The following ADGRG7 variants were observed in gnomAD, a reference collection of about 807,000 sequenced individuals.
ADGRG7 encodes the protein G-protein coupled receptor 128.
Under a neutral mutation model 88.6 loss-of-function variants are expected in ADGRG7, and 82 were observed. The ratio of observed to expected loss-of-function variants is 0.93; its 90% CI spans 0.77 to 1.11. The LOEUF (loss-of-function observed/expected upper bound fraction) is 1.11. Among genes scored for constraint, ADGRG7 ranks in the 50% most tolerant of loss-of-function variants. The pLI, the probability that ADGRG7 is intolerant of heterozygous loss-of-function variation, is 0.00. For synonymous variants in ADGRG7, 381 were observed against 345.2 expected (o/e 1.10, Z -1.15); for missense variants, 945 against 953.4 (o/e 0.99, Z 0.12).
chr3:100,685,171 T>C (rs1427225363), intron 15 of ADGRG7, among the ~76,000 whole-genome samples: 2 of 152,156 alleles, frequency 1.3e-5, no homozygotes, highest in Admixed American at 1.3e-4. Flanking sequence ...TAGTGGATAG[T>C]TGGTAAACAT....
chr3:100,679,590 A>T (rs1576337613), intron 15 of ADGRG7, among the ~76,000 whole-genome samples: 1 of 152,180 alleles, frequency 6.6e-6, no homozygotes. Flanking sequence ...GACTATTTTT[A>T]ATACCATTTC....
intron 11 of ADGRG7, among the ~76,000 whole-genome samples, chr3:100,651,739 G>T (rs1388597672): frequency 3.3e-5 from 5 of 151,842 alleles, no homozygotes; most frequent in African/African-American, 7.3e-5. Context: ...AAATTTTATT[G>T]ATTTTAAAAT....
intron 13 of ADGRG7, among the ~76,000 whole-genome samples, chr3:100,657,571 T>C (rs1447988019): frequency 1.3e-5 from 2 of 152,192 alleles, no homozygotes; most frequent in Admixed American, 6.5e-5. Context: ...TGGGGAATTA[T>C]AATTGGGGGG....
chr3:100,670,201 T>A (rs1192506248), intron 15 of ADGRG7, among the ~76,000 whole-genome samples: 1 of 150,230 alleles, frequency 6.7e-6, no homozygotes, highest in East Asian at 2.3e-4. Context: ...TTCTACTCTC[T>A]ATCTCCAGGA....
intron 6 of ADGRG7, among the ~76,000 whole-genome samples, chr3:100,642,625 T>G (rs1346588541): frequency 6.6e-6 from 1 of 152,226 alleles, no homozygotes; most frequent in Admixed American, 6.5e-5. Flanking sequence ...GAAAAGGTCT[T>G]ATGACTTTTC....
rs1180708418 is a variant in ADGRG7, at chr3:100,645,938, C to A, written c.947-7C>A. 1.2e-6 allele frequency: 2 copies of A among 1,607,224 alleles called. No homozygotes were observed. Among genetic ancestry groups the A allele is most frequent in the African/African-American group, 1.3e-5 (1 of 74,172 alleles). ...TTATTGATTTTAATGTCTTTTTCTCCCTATAGATTACACCAAGACATGCGG... is the reference window on the plus strand; with the variant it reads ...TTATTGATTTTAATGTCTTTTTCTCACTATAGATTACACCAAGACATGCGG... On this transcript the variant is annotated splice_region_variant and splice_polypyrimidine_tract_variant and intron_variant, in intron 8 of 15. Coordinates refer to ENST00000273352, the MANE Select transcript of ADGRG7 (RefSeq NM_032787.3).
chr3:100,675,286 T>C (rs2094963620), intron 15 of ADGRG7, among the ~76,000 whole-genome samples: 1 of 152,194 alleles, frequency 6.6e-6, no homozygotes, highest in Admixed American at 6.5e-5. Context: ...CCCCAGTTTT[T>C]AAGAGTTTTT....
At chr3:100,658,063 T>G (rs544989316) in intron 13 of ADGRG7, among the ~76,000 whole-genome samples, 11 of 152,322 alleles carry the variant, frequency 7.2e-5, no homozygotes, top group African/African-American at 2.6e-4. Flanking sequence ...TCCACTTGAC[T>G]GTTTAATAGA....
chr3:100,654,973 T>A lies in ADGRG7; in HGVS notation c.1518T>A (p.Ile506=), dbSNP rs1382220254. The part of the protein sequence containing the change: ...LQTSDGDINN[I]DFDNNDIPRT... ...CAAGTGATGGTGACATCAATAATAT[T>A]GACTTTGACAATAATGACATACCCA... Residue 506 remains isoleucine, a synonymous_variant, in exon 12 of 16, where the codon ATT becomes ATA. Transcript: ENST00000273352. 1 of 1,614,002 alleles carries A rather than the reference T, an allele frequency of 6.2e-7. No individual in the cohort carries two copies. Among genetic ancestry groups the A allele is most frequent in the African/African-American group, 1.3e-5 (1 of 74,908 alleles).
At chr3:100,669,840 A>G (rs928562260) in intron 15 of ADGRG7, among the ~76,000 whole-genome samples, 1 of 152,162 alleles carries the variant, frequency 6.6e-6, no homozygotes, top group Non-Finnish European at 1.5e-5. Flanking sequence ...GTTCAAGACC[A>G]GTCTAGCCAA....
chr3:100,618,269 T>TTTTCGACATGAAGTCCTTGCCCA (rs1231318591), intron 1 of ADGRG7, among the ~76,000 whole-genome samples: 5 of 152,174 alleles, frequency 3.3e-5, no homozygotes, highest in East Asian at 1.9e-4. Context: ...GCTTTTGGTG[T>TTTTCGACATGAAGTCCTTGCCCA]TTTCGACATG....
intron 15 of ADGRG7, among the ~76,000 whole-genome samples, chr3:100,684,365 T>C (rs2094978728): frequency 6.6e-6 from 1 of 151,972 alleles, no homozygotes; most frequent in East Asian, 1.9e-4. Flanking sequence ...CTGGACTCAA[T>C]TGATCCCCCC....
intron 14 of ADGRG7, chr3:100,665,385 A>G: frequency 5.5e-6 from 3 of 540,594 alleles, no homozygotes; most frequent in Non-Finnish European, 1.1e-5. Context: ...TCATTACAAT[A>G]GAAGCATTGT....
At chr3:100,670,301 G>A (rs573885181) in intron 15 of ADGRG7, among the ~76,000 whole-genome samples, 1 of 152,114 alleles carries the variant, frequency 6.6e-6, no homozygotes, top group African/African-American at 2.4e-5. Context: ...TTAACATAAT[G>A]ACCTCCAGTT....
chr3:100,643,473 C>T (rs1707680753), intron 7 of ADGRG7, 53 bp from the exon 8 acceptor site: 3 of 1,606,788 alleles, frequency 1.9e-6, no homozygotes, highest in East Asian at 2.2e-5. Context: ...AATAATAATG[C>T]TCTACTCATG....
Position 100,630,816 on chromosome 3 carries a change from GT to G in ADGRG7, c.334+11del. ...GGCAAGGATACTCCAAATGGTATGTGTTTTCCCAAACATTTACTCTATGCAT... is the reference window on the plus strand; with the variant it reads ...GGCAAGGATACTCCAAATGGTATGTGTTTCCCAAACATTTACTCTATGCAT... On this transcript the variant is annotated splice_region_variant and intron_variant, in intron 3 of 15. Transcript: ENST00000273352. 1.4e-6 allele frequency: 2 copies of G among 1,408,616 alleles called. No individual in the cohort carries two copies. The highest frequency in any genetic ancestry group is 1.5e-5 in the South Asian group (1 of 64,650). 87.3% of individuals were successfully genotyped at this position (1,408,616 alleles called of 1,614,324 possible).
intron 5 of ADGRG7, among the ~76,000 whole-genome samples, 155 bp from the exon 6 acceptor site, chr3:100,637,147 G>C (rs1489819950): frequency 6.6e-6 from 1 of 152,112 alleles, no homozygotes; most frequent in Non-Finnish European, 1.5e-5. Context: ...ATCTTATGTG[G>C]ATCAAAGAAT....
intron 6 of ADGRG7, among the ~76,000 whole-genome samples, chr3:100,642,514 C>T (rs1429069868): frequency 6.6e-6 from 1 of 152,098 alleles, no homozygotes; most frequent in East Asian, 1.9e-4. Context: ...TGATGAAATC[C>T]TTTCATTTCT....
At chr3:100,683,401 TCCTGGTGTCACCAAGCTTCTGGGTGTCA>T (rs2094976713) in intron 15 of ADGRG7, among the ~76,000 whole-genome samples, 1 of 152,234 alleles carries the variant, frequency 6.6e-6, no homozygotes, top group Non-Finnish European at 1.5e-5. Context: ...GGTCTGAGGT[TCCTGGTGTCACCAAGCTTCTGGGTGTCA>T]CCCGGTTCCC....
Sources: gnomAD v4.1 joint callset for allele counts (sites outside exome capture counted in the v4.1 genomes callset) on GRCh38, gnomAD v4.1.1 for gene constraint, MANE v1.5 for transcripts, NCBI Gene and HGNC (gene_info 2026-07-23, HGNC 2026-07-21) for gene names.